LDLRAD4: variants seen among roughly 807,000 people sequenced by gnomAD.
LDLRAD4 encodes the protein low density lipoprotein receptor class A domain containing 4, also known as low-density lipoprotein receptor class A domain-containing protein 4.
LDLRAD4 carries 5 observed loss-of-function variants against 17.0 expected under a neutral mutation model. The observed-to-expected ratio is 0.29, with a 90% confidence interval of 0.15 to 0.62. The LOEUF (loss-of-function observed/expected upper bound fraction) is 0.62, where lower values mean the gene tolerates loss of function less well. Among genes scored for constraint, LDLRAD4 ranks in the 20% least tolerant of loss-of-function variants. The pLI, the probability that LDLRAD4 is intolerant of heterozygous loss-of-function variation, is 0.84. For synonymous variants in LDLRAD4, 168 were observed against 171.8 expected (o/e 0.98, Z 0.17); for missense variants, 340 against 424.7 (o/e 0.80, Z 1.75).
intron 3 of LDLRAD4, chr18:13,612,249 G>T: frequency 2.0e-6 from 2 of 995,656 alleles, no homozygotes; most frequent in Non-Finnish European, 2.4e-6. Context: ...TTGCCTGTGT[G>T]TGTGACACGT....
intron 1 of LDLRAD4, among the ~76,000 whole-genome samples, chr18:13,306,497 G>T (rs1189090477): frequency 6.6e-6 from 1 of 152,148 alleles, no homozygotes; most frequent in Non-Finnish European, 1.5e-5. Flanking sequence ...TGGTCTATTT[G>T]CCCTCAAATA....
At chr18:13,397,752 G>A (rs1046628065) in intron 2 of LDLRAD4, among the ~76,000 whole-genome samples, 3 of 152,218 alleles carry the variant, frequency 2.0e-5, no homozygotes, top group African/African-American at 4.8e-5. Flanking sequence ...CTACCACGGC[G>A]CAGCACTCCT....
chr18:13,572,891 A>G (rs928770350), intron 3 of LDLRAD4, among the ~76,000 whole-genome samples: 6 of 152,202 alleles, frequency 3.9e-5, no homozygotes, highest in African/African-American at 1.4e-4. Context: ...GCAGCAGCGC[A>G]GAGGGCACAG....
intron 1 of LDLRAD4, among the ~76,000 whole-genome samples, chr18:13,254,531 C>A (rs1464988253): frequency 6.6e-6 from 1 of 152,156 alleles, no homozygotes; most frequent in East Asian, 1.9e-4. Context: ...AGAGTGCCAG[C>A]GACCCTCCAT....
At chr18:13,563,049 C>T (rs1308721657) in intron 3 of LDLRAD4, 1 of 152,226 alleles carries the variant, frequency 6.6e-6, no homozygotes, top group Non-Finnish European at 1.5e-5. Flanking sequence ...GAAACTTAAC[C>T]CCTCATTTCC....
chr18:13,517,207 A>G (rs1031238372), intron 3 of LDLRAD4, among the ~76,000 whole-genome samples: 1 of 152,256 alleles, frequency 6.6e-6, no homozygotes, highest in Admixed American at 6.5e-5. Flanking sequence ...GCAAATATGT[A>G]TAACCTATGT....
intron 3 of LDLRAD4, among the ~76,000 whole-genome samples, chr18:13,501,659 T>G (rs2093616367): frequency 6.6e-6 from 1 of 151,794 alleles, no homozygotes; most frequent in Non-Finnish European, 1.5e-5. Context: ...TTATTAATAA[T>G]CCATAGAAAC....
chr18:13,461,524 A>C (rs2092427842), intron 3 of LDLRAD4: 1 of 152,226 alleles, frequency 6.6e-6, no homozygotes, highest in South Asian at 2.1e-4. Flanking sequence ...AAGCAACAAA[A>C]GCAGAGATTT....
At chr18:13,329,961 A>ATT (rs1329794025) in intron 1 of LDLRAD4, among the ~76,000 whole-genome samples, 12 of 138,064 alleles carry the variant, frequency 8.7e-5, no homozygotes, top group Admixed American at 1.5e-4. Context: ...ACTCCCTCCA[A>ATT]TTTTTTTTTT....
chr18:13,464,621 CCG>C (rs1203818903), intron 3 of LDLRAD4, among the ~76,000 whole-genome samples: 1 of 152,160 alleles, frequency 6.6e-6, no homozygotes, highest in East Asian at 1.9e-4. Flanking sequence ...TGAGGGGCCA[CCG>C]TGTGTCTAGA....
intron 3 of LDLRAD4, among the ~76,000 whole-genome samples, chr18:13,484,767 G>C (rs1303645351): frequency 2.0e-5 from 3 of 152,222 alleles, no homozygotes; most frequent in Non-Finnish European, 4.4e-5. Flanking sequence ...CCCAGTGCCA[G>C]TATCTTCCTT....
chr18:13,407,914 T>G (rs886543221), intron 2 of LDLRAD4, among the ~76,000 whole-genome samples: 7 of 152,244 alleles, frequency 4.6e-5, no homozygotes, highest in African/African-American at 1.7e-4. Flanking sequence ...AATTAGTCAG[T>G]TTGACAAACG....
At chr18:13,312,684 G>A (rs1174907243) in intron 1 of LDLRAD4, among the ~76,000 whole-genome samples, 1 of 152,156 alleles carries the variant, frequency 6.6e-6, no homozygotes, top group Admixed American at 6.5e-5. Flanking sequence ...CCAGACTGTA[G>A]TGAGCTGTGA....
At chr18:13,505,241 G>A (rs573159898) in intron 3 of LDLRAD4, among the ~76,000 whole-genome samples, 4 of 152,220 alleles carry the variant, frequency 2.6e-5, no homozygotes, top group Non-Finnish European at 5.9e-5. Context: ...AATAGGAACA[G>A]AACTAAGCAG....
intron 1 of LDLRAD4, among the ~76,000 whole-genome samples, chr18:13,245,357 T>C (rs2042905200): frequency 6.6e-6 from 1 of 152,094 alleles, no homozygotes; most frequent in African/African-American, 2.4e-5. Flanking sequence ...TGATATCAAT[T>C]TTGGAGGCCT....
intron 1 of LDLRAD4, among the ~76,000 whole-genome samples, chr18:13,329,861 C>T (rs935158700): frequency 2.6e-5 from 4 of 152,094 alleles, no homozygotes; most frequent in African/African-American, 7.2e-5. Flanking sequence ...ATTAATTGGC[C>T]TGACTTCTTG....
intron 2 of LDLRAD4, among the ~76,000 whole-genome samples, chr18:13,396,683 A>G (rs1327641023): frequency 6.6e-6 from 1 of 151,808 alleles, no homozygotes; most frequent in Non-Finnish European, 1.5e-5. Flanking sequence ...GAGTTTTGCC[A>G]TGTTGCCTAG....
intron 3 of LDLRAD4, chr18:13,615,284 C>A (rs555165821): frequency 6.6e-6 from 1 of 152,264 alleles, no homozygotes; most frequent in African/African-American, 2.4e-5. Context: ...TGCCCCCTGA[C>A]CCATGATAGG....
chr18:13,623,367 C>T (rs1014039755), intron 4 of LDLRAD4, among the ~76,000 whole-genome samples: 3 of 152,192 alleles, frequency 2.0e-5, no homozygotes, highest in African/African-American at 7.2e-5. Context: ...GTCTGGGCCT[C>T]GTTTTGTTAA....
Sources: allele counts gnomAD v4.1 joint callset (sites outside exome capture counted in the v4.1 genomes callset), GRCh38; gene constraint gnomAD v4.1.1; transcripts MANE v1.5; gene names NCBI Gene and HGNC (gene_info 2026-07-23, HGNC 2026-07-21).